The following ADGRB3 variants were observed in gnomAD, a reference collection of about 807,000 sequenced individuals.
ADGRB3 encodes brain-specific angiogenesis inhibitor 3.
A neutral mutation model predicts 193.4 loss-of-function variants in ADGRB3; 37 were observed. The ratio of observed to expected loss-of-function variants is 0.19; its 90% confidence interval spans 0.15 to 0.25. The LOEUF is 0.25. Ranked by LOEUF, ADGRB3 falls within the 10% of genes least tolerant of loss-of-function variation. ADGRB3 has a pLI of 1.00. For synonymous variants in ADGRB3, 690 were observed against 644.2 expected (o/e 1.07, Z -1.08); for missense variants, 1,637 against 1,852.9 (o/e 0.88, Z 2.14).
intron 3 of ADGRB3, among the ~76,000 whole-genome samples, chr6:68,689,726 C>T (rs1046721676): frequency 2.6e-5 from 4 of 151,348 alleles, no homozygotes; most frequent in Admixed American, 6.6e-5. Flanking sequence ...TTTTAAAAGC[C>T]GATAAGGAGC....
chr6:68,700,530 G>C (rs1765225767), intron 3 of ADGRB3, among the ~76,000 whole-genome samples: 1 of 151,928 alleles, frequency 6.6e-6, no homozygotes, highest in African/African-American at 2.4e-5. Flanking sequence ...ACCAAATATA[G>C]TCAGTGTTAT....
intron 14 of ADGRB3, among the ~76,000 whole-genome samples, chr6:69,048,875 G>GT (rs1431331951): frequency 1.3e-5 from 2 of 152,072 alleles, no homozygotes; most frequent in African/African-American, 4.8e-5. Flanking sequence ...AAAAAATTAA[G>GT]TTTTTAGAAC....
intron 3 of ADGRB3, among the ~76,000 whole-genome samples, chr6:68,928,088 T>C (rs1767232971): frequency 6.6e-6 from 1 of 152,154 alleles, no homozygotes; most frequent in African/African-American, 2.4e-5. Flanking sequence ...TAATTTGCAT[T>C]ACACATATTT....
At chr6:68,934,345 C>T (rs899863286) in intron 4 of ADGRB3, among the ~76,000 whole-genome samples, 20 of 152,168 alleles carry the variant, frequency 1.3e-4, no homozygotes, top group African/African-American at 4.8e-4. Flanking sequence ...TGTTCAGCAT[C>T]ATTGCAGTAT....
intron 24 of ADGRB3, among the ~76,000 whole-genome samples, chr6:69,337,332 A>T (rs552146254): frequency 3.4e-4 from 52 of 152,250 alleles, no homozygotes; most frequent in Middle Eastern, 6.8e-3. Flanking sequence ...AGATTTAACA[A>T]GATTAAAGAA....
intron 17 of ADGRB3, among the ~76,000 whole-genome samples, chr6:69,180,575 A>G (rs1259779582): frequency 2.6e-5 from 4 of 152,166 alleles, no homozygotes; most frequent in Non-Finnish European, 4.4e-5. Context: ...CTCCATCATT[A>G]TCTCAGGAGA....
chr6:68,739,914 C>G (rs185238998), intron 3 of ADGRB3, among the ~76,000 whole-genome samples: 1 of 152,114 alleles, frequency 6.6e-6, no homozygotes, highest in African/African-American at 2.4e-5. Context: ...ACTTTGTGTA[C>G]TATTAGTATC....
At chr6:69,386,140 C>A (rs1003912135) in intron 31 of ADGRB3, among the ~76,000 whole-genome samples, 1 of 151,956 alleles carries the variant, frequency 6.6e-6, no homozygotes, top group East Asian at 1.9e-4. Flanking sequence ...ACTAATAGAA[C>A]CTCTCAGGAA....
intron 17 of ADGRB3, among the ~76,000 whole-genome samples, chr6:69,139,546 A>G (rs993127129): frequency 2.6e-5 from 4 of 152,246 alleles, no homozygotes; most frequent in Non-Finnish European, 5.9e-5. Context: ...ATTTATATAC[A>G]TAAACTTATA....
At chr6:68,908,169 A>G (rs1766600650) in intron 3 of ADGRB3, among the ~76,000 whole-genome samples, 1 of 151,874 alleles carries the variant, frequency 6.6e-6, no homozygotes, top group African/African-American at 2.4e-5. Flanking sequence ...TCTTCATTGA[A>G]TTTGCTACAG....
At chr6:69,355,790 T>C (rs201695216) in intron 27 of ADGRB3, 31 bp from the exon 28 acceptor site, 9 of 1,567,456 alleles carry the variant, frequency 5.7e-6, no homozygotes, top group Middle Eastern at 1.7e-4. Context: ...CATTAAATGA[T>C]GGTTCTATGT....
chr6:69,186,944 GTT>G (rs61067182), intron 17 of ADGRB3, among the ~76,000 whole-genome samples: 328 of 137,798 alleles, frequency 2.4e-3, no homozygotes, highest in African/African-American at 8.1e-3. Flanking sequence ...TTTGTTTTTT[GTT>G]TTTTTTTTTT....
At chr6:68,840,430 A>C (rs1768133593) in intron 3 of ADGRB3, among the ~76,000 whole-genome samples, 1 of 107,350 alleles carries the variant, frequency 9.3e-6, no homozygotes, top group Non-Finnish European at 1.7e-5. Flanking sequence ...TTTCTCTGTC[A>C]CCTAGGCTGG....
intron 17 of ADGRB3, among the ~76,000 whole-genome samples, chr6:69,211,078 C>T (rs1013917114): frequency 3.3e-5 from 5 of 152,084 alleles, no homozygotes; most frequent in Non-Finnish European, 5.9e-5. Flanking sequence ...GCTGAGATCA[C>T]GCCACTGCAC....
intron 22 of ADGRB3, among the ~76,000 whole-genome samples, chr6:69,328,467 T>G (rs1768632497): frequency 6.6e-6 from 1 of 152,194 alleles, no homozygotes; most frequent in Non-Finnish European, 1.5e-5. Context: ...GAATTTGTGT[T>G]TGAATTTAAC....
intron 20 of ADGRB3, among the ~76,000 whole-genome samples, chr6:69,245,727 G>T (rs746937287): frequency 3.3e-5 from 5 of 151,990 alleles, no homozygotes; most frequent in Non-Finnish European, 5.9e-5. Flanking sequence ...TCCCATTAGA[G>T]AAAACCCTGC....
chr6:69,031,582 G>GTC (rs1562129476), intron 13 of ADGRB3, among the ~76,000 whole-genome samples: 4 of 3,752 alleles, frequency 1.1e-3, no homozygotes, highest in Non-Finnish European at 1.6e-3. Flanking sequence ...CTCTGTCTCT[G>GTC]TCTCTCTTTC....
chr6:69,354,531 G>C (rs886370972), intron 27 of ADGRB3, among the ~76,000 whole-genome samples: 2 of 152,162 alleles, frequency 1.3e-5, no homozygotes, highest in East Asian at 3.8e-4. Context: ...GCTCCCTGGG[G>C]TGTTGAGTGT....
At chr6:68,819,079 C>T (rs573503426) in intron 3 of ADGRB3, among the ~76,000 whole-genome samples, 2 of 151,990 alleles carry the variant, frequency 1.3e-5, no homozygotes, top group Non-Finnish European at 2.9e-5. Flanking sequence ...AATTATCCAG[C>T]CTTTAGTATA....
Sources: allele counts gnomAD v4.1 joint callset (sites outside exome capture counted in the v4.1 genomes callset), GRCh38; gene constraint gnomAD v4.1.1; transcripts MANE v1.5; gene names NCBI Gene and HGNC (gene_info 2026-07-23, HGNC 2026-07-21).